DIPK1A: variants seen among roughly 807,000 people sequenced by gnomAD.
The protein encoded by DIPK1A is divergent protein kinase domain 1A.
In DIPK1A, 27 loss-of-function variants were observed where a neutral mutation model predicts 40.8. The observed-to-expected ratio is 0.66, with a 90% CI of 0.49 to 0.91. The LOEUF (loss-of-function observed/expected upper bound fraction) is 0.91. Ranked by LOEUF, DIPK1A falls within the 40% of genes least tolerant of loss-of-function variation. The pLI, the probability that DIPK1A is intolerant of heterozygous loss-of-function variation, is 0.00. For missense variants in DIPK1A, 412 were observed against 505.7 expected, an observed-to-expected ratio of 0.81 and a Z score of 1.78; for synonymous variants, 166 against 171.3, an observed-to-expected ratio of 0.97 and a Z score of 0.24.
At chr1:92,871,605 C>T (rs1438308549) in intron 2 of DIPK1A, among the ~76,000 whole-genome samples, 2 of 152,086 alleles carry the variant, frequency 1.3e-5, no homozygotes, top group Non-Finnish European at 1.5e-5. Context: ...ATTCTTTTAT[C>T]CTACTCTGCA....
intron 2 of DIPK1A, among the ~76,000 whole-genome samples, chr1:92,862,704 T>C (rs1218245531): frequency 6.6e-6 from 1 of 152,206 alleles, no homozygotes; most frequent in East Asian, 1.9e-4. Flanking sequence ...TCTACTGCTC[T>C]GAAGGTAAAA....
intron 1 of DIPK1A, among the ~76,000 whole-genome samples, chr1:92,892,228 C>T (rs1648923217): frequency 6.6e-6 from 1 of 152,104 alleles, no homozygotes; most frequent in Admixed American, 6.5e-5. Context: ...GTCCCTGACT[C>T]CCGAGTAGCC....
chr1:92,905,995 T>A (rs997802705), intron 1 of DIPK1A, among the ~76,000 whole-genome samples: 1 of 152,226 alleles, frequency 6.6e-6, no homozygotes, highest in South Asian at 2.1e-4. Context: ...CTTGTTTTTA[T>A]GTCAGTGCCA....
intron 3 of DIPK1A, among the ~76,000 whole-genome samples, chr1:92,848,569 C>G (rs192354944): frequency 3.3e-5 from 5 of 152,328 alleles, no homozygotes; most frequent in Admixed American, 1.3e-4. Context: ...GAAAGCCTTC[C>G]CTGACCCCCT....
intron 1 of DIPK1A, among the ~76,000 whole-genome samples, chr1:92,881,307 G>A (rs1207099294): frequency 2.5e-5 from 3 of 120,892 alleles, no homozygotes; most frequent in Non-Finnish European, 4.9e-5. Flanking sequence ...TCTTAATTTT[G>A]AGAATGGGGA....
chr1:92,849,868 T>C (rs751284889), intron 3 of DIPK1A, among the ~76,000 whole-genome samples: 3 of 152,084 alleles, frequency 2.0e-5, no homozygotes, highest in Non-Finnish European at 2.9e-5. Flanking sequence ...GTTGCTCAGG[T>C]AGGCCTCAAA....
intron 1 of DIPK1A, among the ~76,000 whole-genome samples, chr1:92,889,649 T>C (rs1022235828): frequency 2.0e-5 from 3 of 152,146 alleles, no homozygotes; most frequent in African/African-American, 7.2e-5. Flanking sequence ...CTTTCCTTTT[T>C]TTTTTTAAAT....
intron 1 of DIPK1A, among the ~76,000 whole-genome samples, chr1:92,906,726 G>A (rs951765932): frequency 1.3e-5 from 2 of 152,100 alleles, no homozygotes; most frequent in Non-Finnish European, 2.9e-5. Flanking sequence ...GTTTCTCCCA[G>A]GTAAGTGTAA....
At chr1:92,872,121 C>A (rs1253123259) in intron 2 of DIPK1A, among the ~76,000 whole-genome samples, 5 of 129,032 alleles carry the variant, frequency 3.9e-5, no homozygotes, top group Non-Finnish European at 7.9e-5. Context: ...CCTCTGTCAC[C>A]CAGGCTGGAG....
intron 4 of DIPK1A, chr1:92,834,759 T>G: frequency 6.2e-7 from 1 of 1,612,294 alleles, no homozygotes; most frequent in Non-Finnish European, 8.5e-7. Context: ...ATTACTAACC[T>G]AGTTTCTCTC....
chr1:92,960,816 G>A (rs774169778), intron 1 of DIPK1A, among the ~76,000 whole-genome samples: 1 of 152,138 alleles, frequency 6.6e-6, no homozygotes. Context: ...CAAGGGGCTC[G>A]GCACGAGGCA....
chr1:92,948,777 G>GTA (rs71586769), intron 1 of DIPK1A, among the ~76,000 whole-genome samples: 58 of 143,464 alleles, frequency 4.0e-4, no homozygotes, highest in East Asian at 8.0e-4. Context: ...GTGTGTGTGT[G>GTA]TATATATATA....
At chr1:92,923,215 T>G (rs930552681) in intron 1 of DIPK1A, among the ~76,000 whole-genome samples, 6 of 152,226 alleles carry the variant, frequency 3.9e-5, no homozygotes, top group Admixed American at 3.9e-4. Context: ...CTCGGCTCAC[T>G]GCAACCTCTG....
intron 1 of DIPK1A, among the ~76,000 whole-genome samples, chr1:92,936,412 G>A (rs1301728088): frequency 6.6e-6 from 1 of 152,132 alleles, no homozygotes; most frequent in Non-Finnish European, 1.5e-5. Context: ...CAGATCACCC[G>A]AGGTCGGGAG....
rs10688368 is a variant in DIPK1A, at chr1:92,869,152, CTATTAT to C, written c.189+7138_189+7143del. Among the ~76,000 whole-genome samples, 512 of 146,300 alleles carry C rather than the reference CTATTAT, an allele frequency of 3.5e-3. 3 individuals carry two copies. The highest frequency in any genetic ancestry group is 0.012 in the African/African-American group (478 of 39,818). On this transcript the variant is annotated intron_variant, in intron 2 of 4. Transcript: ENST00000370310. Reference sequence around the variant, plus strand: ...AGTTACCTTGAAAATAAATATTACACTATTATTATTATTATTATTATTATTTTGATA... The same window carrying C: ...AGTTACCTTGAAAATAAATATTACACTATTATTATTATTATTATTTTGATA...
At chr1:92,879,825 T>A (rs1274014301) in intron 1 of DIPK1A, among the ~76,000 whole-genome samples, 1 of 152,246 alleles carries the variant, frequency 6.6e-6, no homozygotes, top group African/African-American at 2.4e-5. Flanking sequence ...GATAATGTAG[T>A]CTTTGATTAA....
intron 1 of DIPK1A, among the ~76,000 whole-genome samples, chr1:92,918,398 C>T (rs1644963320): frequency 1.3e-5 from 2 of 152,212 alleles, no homozygotes; most frequent in African/African-American, 4.8e-5. Flanking sequence ...ATGCGCCTGC[C>T]TCAGCCTCCC....
At chr1:92,920,082 A>C (rs1650213256) in intron 1 of DIPK1A, among the ~76,000 whole-genome samples, 1 of 152,206 alleles carries the variant, frequency 6.6e-6, no homozygotes, top group South Asian at 2.1e-4. Flanking sequence ...ACTTTCCCTC[A>C]ATCAACTCAT....
intron 4 of DIPK1A, among the ~76,000 whole-genome samples, chr1:92,846,844 T>TATATACACACACAC (rs1557449950): frequency 8.7e-4 from 1 of 1,156 alleles, no homozygotes; most frequent in Non-Finnish European, 1.1e-3. Flanking sequence ...TATATATATG[T>TATATACACACACAC]GTGTATATAT....
Sources: gnomAD v4.1 joint callset for allele counts (sites outside exome capture counted in the v4.1 genomes callset) on GRCh38, gnomAD v4.1.1 for gene constraint, MANE v1.5 for transcripts, NCBI Gene and HGNC (gene_info 2026-07-23, HGNC 2026-07-21) for gene names.